EXOC3L4: variants seen among roughly 807,000 people sequenced by gnomAD.
EXOC3L4 encodes exocyst complex component 3 like 4, also known as exocyst complex component 3-like protein 4.
Under a neutral mutation model 69.7 loss-of-function variants are expected in EXOC3L4, and 62 were observed. That is an observed-to-expected ratio of 0.89 (90% CI 0.72 to 1.10). EXOC3L4 has a LOEUF of 1.10. EXOC3L4 is among the 50% of genes least tolerant of loss of function. The pLI, the probability that EXOC3L4 is intolerant of heterozygous loss-of-function variation, is 0.00. For missense variants in EXOC3L4, 1,087 were observed against 1,034.8 expected (o/e 1.05, Z -0.69); for synonymous variants, 502 against 464.2 (o/e 1.08, Z -1.05).
At chr14:103,100,637 A>G (rs1890137436) in intron 2 of EXOC3L4, 24 bp downstream of exon 2, 3 of 1,583,388 alleles carry the variant, frequency 1.9e-6, no homozygotes, top group South Asian at 2.3e-5. Flanking sequence ...AAACAACACG[A>G]AGCATGAAAG....
intron 1 of EXOC3L4, among the ~76,000 whole-genome samples, chr14:103,098,232 C>T (rs1024766324): frequency 3.9e-5 from 6 of 152,120 alleles, no homozygotes; most frequent in African/African-American, 1.4e-4. Flanking sequence ...CTCGTCTGGG[C>T]TTCCTGGGAG....
In EXOC3L4 at chr14:103,097,895, C is replaced by A. The variant is rs996371374; in HGVS notation, c.-16-2309C>A. On this transcript the variant is annotated intron_variant, in intron 1 of 11. Transcript: ENST00000688303. This position sits in a 1 kb window ranked among gnomAD's most constrained non-coding sequence, Gnocchi z 4.9. ...CCAGGGGAAGCTGGTGAGGTGTCAT[C>A]AGCGGGAGGTGGGGGGTGGAGGAAG... Among the ~76,000 whole-genome samples, 7 of 151,976 alleles carry A rather than the reference C, an allele frequency of 4.6e-5. No individual in the cohort carries two copies. Among genetic ancestry groups the A allele is most frequent in the Admixed American group, 1.3e-4 (2 of 15,264 alleles).
At chr14:103,105,801 C>CTGA (rs1436824569) in intron 7 of EXOC3L4, among the ~76,000 whole-genome samples, 5 of 152,234 alleles carry the variant, frequency 3.3e-5, no homozygotes, top group Admixed American at 3.3e-4. Context: ...GAGGCACAGA[C>CTGA]TGAGCCTCCC....
intron 1 of EXOC3L4, among the ~76,000 whole-genome samples, chr14:103,099,838 G>A (rs1019635019): frequency 5.9e-5 from 9 of 152,234 alleles, no homozygotes; most frequent in African/African-American, 2.2e-4. Context: ...CTGCCCTCGG[G>A]TGTTGTGAGC....
chr14:103,104,234 G>T, intron 4 of EXOC3L4, 33 bp from the exon 5 acceptor site: 2 of 1,539,002 alleles, frequency 1.3e-6, no homozygotes, highest in Non-Finnish European at 1.8e-6. Flanking sequence ...GGTCTGGGAG[G>T]GTCTCACCAC....
rs372485927 is a variant in EXOC3L4 at position 103,107,427 on chromosome 14, C to G, written c.1585C>G (p.Leu529Val). 5.3e-5 allele frequency: 85 copies of G among 1,613,388 alleles called. No homozygotes were observed. The highest frequency in any genetic ancestry group is 7.2e-5 in the Non-Finnish European group (85 of 1,179,642). ...CTCCCAGCCCCTCTGTCCCCAGCCG[C>G]TCTTCAGGGTTGTGTGCACCAGGGA... The part of the protein sequence containing the change: ...LQGLQRELQP[L>V]FRVVCTRDWL... The change falls in exon 9 of 12, where the codon CTC becomes GTC. Residue 529 changes from leucine to valine, a missense_variant. Leu to Val is a conservative substitution (Grantham distance 32). Coordinates refer to ENST00000688303, the MANE Select transcript of EXOC3L4 (RefSeq NM_001077594.2).
chr14:103,105,186 G>A, intron 7 of EXOC3L4, 114 bp downstream of exon 7: 1 of 1,014,068 alleles, frequency 9.9e-7, no homozygotes, highest in Non-Finnish European at 1.4e-6. Context: ...GGTGAGGAGT[G>A]TGTGTGTGTG....
chr14:103,102,282 G>A lies in EXOC3L4; in HGVS notation c.559G>A (p.Asp187Asn), dbSNP rs898131168. 1.1e-5 allele frequency: 17 copies of A among 1,579,686 alleles called. No individual in the cohort carries two copies. The highest frequency in any genetic ancestry group is 5.3e-5 in the Admixed American group (3 of 56,858). The change falls in exon 3 of 12, where the codon GAC becomes AAC. Residue 187 changes from aspartate to asparagine, a missense_variant. Asp to Asn is a conservative substitution (Grantham distance 23, BLOSUM62 1). Transcript: ENST00000688303. ...CGCTATGGACGTGTGCCTGCTTTAC[G>A]ACGGGCTGGCAGCCGAGATCGGCGC... Reference protein sequence around the residue: ...RRAMDVCLLYDGLAAEIGAIV... With the variant: ...RRAMDVCLLYNGLAAEIGAIV...
chr14:103,104,883 T>G, intron 6 of EXOC3L4, 45 bp downstream of exon 6: 1 of 1,537,156 alleles, frequency 6.5e-7, no homozygotes, highest in Non-Finnish European at 8.8e-7. Flanking sequence ...CCGGGTGCGC[T>G]CTGCAGGTGG....
intron 2 of EXOC3L4, 48 bp downstream of exon 2, chr14:103,100,661 G>A (rs1890138601): frequency 2.6e-6 from 4 of 1,543,544 alleles, no homozygotes; most frequent in South Asian, 2.5e-5. Flanking sequence ...ACGGGCCAGA[G>A]GTCAGGGCAG....
Position 103,104,719 on chromosome 14 carries a change from T to C in EXOC3L4, c.1285-19T>C. On this transcript the variant is annotated intron_variant, in intron 5 of 11. Coordinates refer to ENST00000688303, the MANE Select transcript of EXOC3L4 (RefSeq NM_001077594.2). ...GTCGGGGGCTGGGAGGCACGCTCAG[T>C]GCGGGGCTTCGCTCGCAGCTCGTGG... The C allele has an allele frequency of 6.7e-7, 1 of 1,484,146 alleles. No homozygotes were observed. Among genetic ancestry groups the C allele is most frequent in the Non-Finnish European group, 8.9e-7 (1 of 1,119,242 alleles). The allele number at this position is 1,484,146 out of a possible 1,614,324, so 91.9% of individuals were successfully genotyped here. A position where few individuals can be genotyped will look rare whatever the true frequency, so the allele number is the denominator to read the frequency against.
At chr14:103,108,368 T>C in intron 10 of EXOC3L4, 28 bp from the exon 11 acceptor site, 1 of 1,609,604 alleles carries the variant, frequency 6.2e-7, no homozygotes, top group Non-Finnish European at 8.5e-7. Context: ...AGAGGGCTGT[T>C]GGGGCAGGCG....
Position 103,110,449 on chromosome 14 carries a change from C to G in EXOC3L4, c.*226C>G, listed in dbSNP as rs1446904718. 3.1e-6 allele frequency: 2 copies of G among 647,106 alleles called. No homozygotes were observed. Among genetic ancestry groups the G allele is most frequent in the Non-Finnish European group, 5.5e-6 (2 of 363,238 alleles). The allele number at this position is 647,106 out of a possible 1,614,324, so 40.1% of individuals were successfully genotyped here. On this transcript the variant is annotated 3_prime_UTR_variant, in exon 12 of 12. Coordinates refer to ENST00000688303, the MANE Select transcript of EXOC3L4 (RefSeq NM_001077594.2). ...GAGTGTTTTGGGGCCGCAGAGCTCT[C>G]AATGCTGCCTATCGGGCGGGGGGGG...
intron 1 of EXOC3L4, 160 bp from the exon 2 acceptor site, chr14:103,100,044 T>A: frequency 2.7e-6 from 2 of 736,918 alleles, no homozygotes; most frequent in Non-Finnish European, 4.2e-6. Flanking sequence ...CACTGAGGGC[T>A]CTCGCCAAGA....
rs3870 is a variant in EXOC3L4, at chr14:103,110,438, C to T, written c.*215C>T. ...ATCGTTGAGGGGAGTGTTTTGGGGC[C>T]GCAGAGCTCTCAATGCTGCCTATCG... On this transcript the variant is annotated 3_prime_UTR_variant, in exon 12 of 12. Coordinates refer to ENST00000688303, the MANE Select transcript of EXOC3L4 (RefSeq NM_001077594.2). 104,412 of 687,840 alleles carry T rather than the reference C, an allele frequency of 0.15. 10,749 individuals are homozygous for T. The highest frequency in any genetic ancestry group is 0.38 in the East Asian group (13,368 of 35,232). 42.6% of individuals were successfully genotyped at this position (687,840 alleles called of 1,614,324 possible). A position where few individuals can be genotyped will look rare whatever the true frequency, so the allele number is the denominator to read the frequency against.
rs954962564 is a variant in EXOC3L4 at position 103,106,796 on chromosome 14, T to C, written c.1478T>C (p.Leu493Pro). 1.4e-5 allele frequency: 22 copies of C among 1,582,762 alleles called. No homozygotes were observed. Among genetic ancestry groups the C allele is most frequent in the African/African-American group, 2.7e-5 (2 of 74,572 alleles). Residue 493 changes from leucine (L) to proline (P), a missense_variant, in exon 8 of 12, where the codon CTC becomes CCC. Leu to Pro is a moderately conservative substitution (Grantham distance 98). Transcript: ENST00000688303. The stretch of plus-strand genomic sequence containing the variant: ...TGGCCCCTCCCCAGGACCAGTCTTC[T>C]CTCCAGGTTCCCAGGAACCCAAGAG... ...NACEELRTSL[L>P]SRFPGTQEEL...
At chr14:103,100,826 C>G (rs1407157458) in intron 2 of EXOC3L4, among the ~76,000 whole-genome samples, 1 of 152,092 alleles carries the variant, frequency 6.6e-6, no homozygotes, top group Non-Finnish European at 1.5e-5. Context: ...ACCTTGGCCT[C>G]CTGGGCTCAA....
rs1830536783 is a variant in EXOC3L4, at chr14:103,097,037, G to T, written c.-17+2197G>T. On this transcript the variant is annotated intron_variant, in intron 1 of 11. Coordinates refer to ENST00000688303, the MANE Select transcript of EXOC3L4 (RefSeq NM_001077594.2). The surrounding 1 kb of genome is among the most constrained non-coding windows in gnomAD (Gnocchi z 4.9). ...TCCCAGCGTAGTTGGGGAGGCTGGG[G>T]AGTGGGTGAGCACTGCAGAGTGATT... is the stretch of plus-strand genomic sequence containing the variant. Among the ~76,000 whole-genome samples, 1 of 152,012 alleles carries T rather than the reference G, an allele frequency of 6.6e-6. No homozygotes were observed. Among genetic ancestry groups the T allele is most frequent in the South Asian group, 2.1e-4 (1 of 4,822 alleles).
chr14:103,106,274 G>T (rs1057095838), intron 7 of EXOC3L4, among the ~76,000 whole-genome samples: 3 of 152,220 alleles, frequency 2.0e-5, no homozygotes, highest in African/African-American at 7.2e-5. Context: ...CTTAATCTGT[G>T]CCAGGCTTGT....
Sources: gnomAD v4.1 joint callset for allele counts (sites outside exome capture counted in the v4.1 genomes callset) on GRCh38, gnomAD v4.1.1 for gene constraint, Gnocchi (gnomAD v3.1) non-coding constraint, MANE v1.5 for transcripts, NCBI Gene and HGNC (gene_info 2026-07-23, HGNC 2026-07-21) for gene names.